Variants in BAZ2B observed in about 807,000 individuals in gnomAD.
The protein encoded by BAZ2B is bromodomain adjacent to zinc finger domain 2B, also known as bromodomain adjacent to zinc finger domain protein 2B.
In BAZ2B, 91 loss-of-function variants were observed where a neutral mutation model predicts 246.0. The observed-to-expected ratio is 0.37, with a 90% CI of 0.31 to 0.44. BAZ2B has a LOEUF of 0.44. BAZ2B is among the 20% of genes least tolerant of loss of function. The pLI is 1.00. For missense variants in BAZ2B, 2,332 were observed against 2,533.7 expected (o/e 0.92, Z 1.71); for synonymous variants, 855 against 860.0 (o/e 0.99, Z 0.10).
Position 159,374,671 on chromosome 2 carries a change from T to C in BAZ2B, c.4068+20A>G. On this transcript the variant is annotated intron_variant, in intron 26 of 36. Coordinates refer to ENST00000392783, the MANE Select transcript of BAZ2B (RefSeq NM_013450.4). ...TAAAACACTGTGAAGAAGTTAAATG[T>C]TAATCAGAAAAGTGCTTACTTTACT... 1.3e-6 allele frequency: 2 copies of C among 1,595,878 alleles called. No individual in the cohort carries two copies. Among genetic ancestry groups the C allele is most frequent in the East Asian group, 4.5e-5 (2 of 44,632 alleles).
the BAZ2B span, among the ~76,000 whole-genome samples, chr2:159,701,400 A>G: frequency 6.6e-6 from 1 of 151,812 alleles, no homozygotes; most frequent in Non-Finnish European, 1.5e-5. Flanking sequence ...TTTTAATAGG[A>G]GTATATAGTC....
chr2:159,341,235 TA>T (rs199883575), intron 31 of BAZ2B, among the ~76,000 whole-genome samples: 1 of 139,044 alleles, frequency 7.2e-6, no homozygotes, highest in African/African-American at 2.5e-5. Context: ...TTATGTCAGA[TA>T]AAAAAAACAA....
chr2:159,395,898 A>AAAAAAC (rs1270556425), intron 19 of BAZ2B, 64 bp from the exon 20 acceptor site: 2 of 1,435,604 alleles, frequency 1.4e-6, no homozygotes, highest in East Asian at 2.3e-5. Flanking sequence ...TTTTCCAATG[A>AAAAAAC]AAAAACAAAA....
At chr2:159,533,424 T>C (rs1236934949) in intron 2 of BAZ2B, among the ~76,000 whole-genome samples, 2 of 152,210 alleles carry the variant, frequency 1.3e-5, no homozygotes, top group Non-Finnish European at 2.9e-5. Context: ...CAAGTCACTC[T>C]GAGGTTTGGT....
chr2:159,688,947 G>A, the BAZ2B span, among the ~76,000 whole-genome samples: 1 of 152,114 alleles, frequency 6.6e-6, no homozygotes, highest in African/African-American at 2.4e-5. Context: ...CTTGGTAAAG[G>A]TGGTATATGT....
chr2:159,325,064 A>C (rs2063354364), intron 35 of BAZ2B, 110 bp from the exon 36 acceptor site: 1 of 1,782 alleles, frequency 5.6e-4, no homozygotes, highest in Non-Finnish European at 1.3e-3. Context: ...TATATATTAT[A>C]TATATATATA....
At chr2:159,602,704 G>C (rs1364502311) in intron 1 of BAZ2B, among the ~76,000 whole-genome samples, 2 of 152,088 alleles carry the variant, frequency 1.3e-5, no homozygotes, top group African/African-American at 4.8e-5. Context: ...ATACAAACCA[G>C]TTAATATTTT....
the BAZ2B span, among the ~76,000 whole-genome samples, chr2:159,660,781 A>T: frequency 6.6e-6 from 1 of 152,142 alleles, no homozygotes; most frequent in South Asian, 2.1e-4. Context: ...TATTTTTAGC[A>T]GACATGGGGT....
At chr2:159,691,846 AG>A in the BAZ2B span, among the ~76,000 whole-genome samples, 1 of 152,338 alleles carries the variant, frequency 6.6e-6, no homozygotes, top group South Asian at 2.1e-4. Context: ...AAGTATCATA[AG>A]GACTTTTAAG....
In BAZ2B at chr2:159,386,627, C is replaced by A; in HGVS notation, c.3217-20G>T. The A allele has an allele frequency of 6.4e-7, 1 of 1,560,874 alleles. No homozygotes were observed. The highest frequency in any genetic ancestry group is 8.6e-7 in the Non-Finnish European group (1 of 1,158,440). On this transcript the variant is annotated intron_variant, in intron 21 of 36. Coordinates refer to ENST00000392783, the MANE Select transcript of BAZ2B (RefSeq NM_013450.4). Reference sequence around the variant, plus strand: ...CAAAGGCTGAAAATAAAATGAAATACAAATAAAATAAAAACAGCTTAATTT... The same window carrying A: ...CAAAGGCTGAAAATAAAATGAAATAAAAATAAAATAAAAACAGCTTAATTT...
intron 1 of BAZ2B, among the ~76,000 whole-genome samples, chr2:159,580,114 A>G (rs1032939595): frequency 3.1e-4 from 47 of 152,220 alleles, no homozygotes; most frequent in Non-Finnish European, 2.9e-5. Flanking sequence ...AATAAGGAAA[A>G]GAGGAAGTCA....
intron 20 of BAZ2B, chr2:159,392,345 A>G (rs2063442745): frequency 6.6e-6 from 1 of 151,612 alleles, no homozygotes; most frequent in Non-Finnish European, 1.5e-5. Context: ...AAGTCTGTAT[A>G]AAGCCTGTTT....
intron 21 of BAZ2B, 128 bp downstream of exon 21, chr2:159,389,217 G>C (rs1173587352): frequency 1.0e-6 from 1 of 988,396 alleles, no homozygotes; most frequent in Non-Finnish European, 1.4e-6. Flanking sequence ...TTGACCTAGA[G>C]TTGGAAATTC....
the BAZ2B span, among the ~76,000 whole-genome samples, chr2:159,637,961 C>T: frequency 6.6e-6 from 1 of 152,234 alleles, no homozygotes; most frequent in Non-Finnish European, 1.5e-5. Context: ...AGGAAAGGTC[C>T]TTGGGCAAGG....
chr2:159,668,773 T>G, the BAZ2B span, among the ~76,000 whole-genome samples: 2 of 152,062 alleles, frequency 1.3e-5, no homozygotes, highest in Non-Finnish European at 2.9e-5. Context: ...TTTTCTAATT[T>G]AAGAAACTGA....
At chr2:159,658,361 T>C in the BAZ2B span, among the ~76,000 whole-genome samples, 1 of 152,138 alleles carries the variant, frequency 6.6e-6, no homozygotes, top group Non-Finnish European at 1.5e-5. Flanking sequence ...TGCGACTGGG[T>C]CTCGCTGTGT....
At chr2:159,396,467 C>T (rs1416114692) in intron 19 of BAZ2B, 4 of 152,068 alleles carry the variant, frequency 2.6e-5, no homozygotes, top group African/African-American at 9.7e-5. Context: ...ACCTGATACT[C>T]TATTTAAAGC....
At chr2:159,428,265 T>G (rs761169014) in intron 12 of BAZ2B, 46 bp downstream of exon 12, 9 of 1,499,310 alleles carry the variant, frequency 6.0e-6, no homozygotes, top group Non-Finnish European at 8.3e-6. Flanking sequence ...TACATGATCA[T>G]GCTTAATAGG....
chr2:159,333,404 T>G lies in BAZ2B; in HGVS notation c.5797-718A>C, dbSNP rs185173687. 3.1e-3 allele frequency among the ~76,000 whole-genome samples: 479 copies of G among 152,232 alleles called. 2 individuals carry two copies. The highest frequency in any genetic ancestry group is 5.7e-3 in the Non-Finnish European group (387 of 67,992). ...AAACTAGTTGTTTTCTACTGAAAAT[T>G]TTCTAATATAATTAAAGACTTTAAA... is the stretch of plus-strand genomic sequence containing the variant. On this transcript the variant is annotated intron_variant, in intron 33 of 36. Coordinates refer to ENST00000392783, the MANE Select transcript of BAZ2B (RefSeq NM_013450.4).
Sources: gnomAD v4.1 joint callset for allele counts (sites outside exome capture counted in the v4.1 genomes callset) on GRCh38, gnomAD v4.1.1 for gene constraint, MANE v1.5 for transcripts, NCBI Gene and HGNC (gene_info 2026-07-23, HGNC 2026-07-21) for gene names.